SPAG9: variants seen among roughly 807,000 people sequenced by gnomAD.
The protein encoded by SPAG9 is C-Jun-amino-terminal kinase-interacting protein 4.
SPAG9 carries 35 observed loss-of-function variants against 166.5 expected under a neutral mutation model. The ratio of observed to expected loss-of-function variants is 0.21; its 90% confidence interval spans 0.16 to 0.28. The LOEUF (loss-of-function observed/expected upper bound fraction) is 0.28. Among genes scored for constraint, SPAG9 ranks in the 10% least tolerant of loss-of-function variants. The probability of loss-of-function intolerance (pLI) is 1.00; values close to 1 mark genes in which losing one functional copy is unlikely to be tolerated. For missense variants in SPAG9, 1,235 were observed against 1,603.3 expected, an observed-to-expected ratio of 0.77 and a Z score of 3.92; for synonymous variants, 534 against 565.5, an observed-to-expected ratio of 0.94 and a Z score of 0.79.
Position 51,120,624 on chromosome 17 carries a change from C to G in SPAG9, c.33G>C (p.Glu11Asp), listed in dbSNP as rs1216082907. The change falls in exon 1 of 30, where the codon GAG becomes GAC. Residue 11 changes from glutamate (E) to aspartate (D), a missense_variant. Physicochemically the swap from Glu to Asp is conservative, Grantham distance 45. Coordinates refer to ENST00000262013, the MANE Select transcript of SPAG9 (RefSeq NM_001130528.3). This position sits in a 1 kb window ranked among gnomAD's most constrained non-coding sequence, Gnocchi z 4.7. MELEDGVVYQ[E>D]EPGGSGAVMS... The stretch of plus-strand genomic sequence containing the variant: ...TCACGGCCCCGGAGCCGCCGGGCTC[C>G]TCCTGATACACCACACCGTCCTCCA... The G allele has an allele frequency of 6.2e-7, 1 of 1,611,032 alleles. No homozygotes were observed. Among genetic ancestry groups the G allele is most frequent in the Non-Finnish European group, 8.5e-7 (1 of 1,179,018 alleles).
At chr17:51,053,850 AAAAAG>A (rs745670158) in intron 3 of SPAG9, among the ~76,000 whole-genome samples, 166 of 57,174 alleles carry the variant, frequency 2.9e-3, no homozygotes, top group Non-Finnish European at 3.3e-3. Context: ...AAAAAAAAAA[AAAAAG>A]TATATATATA....
At chr17:51,113,367 A>AG (rs1310947269) in intron 1 of SPAG9, among the ~76,000 whole-genome samples, 1 of 150,468 alleles carries the variant, frequency 6.6e-6, no homozygotes, top group Admixed American at 6.6e-5. Flanking sequence ...AAAAAAAAAA[A>AG]AAAAGAAAGA....
chr17:51,095,938 GAT>G (rs1490497206), intron 1 of SPAG9, among the ~76,000 whole-genome samples: 2 of 121,626 alleles, frequency 1.6e-5, no homozygotes, highest in African/African-American at 3.5e-5. Flanking sequence ...TATATATAGT[GAT>G]ATAGTTATAT....
At chr17:51,029,100 G>A (rs2046295424) in intron 6 of SPAG9, among the ~76,000 whole-genome samples, 1 of 152,008 alleles carries the variant, frequency 6.6e-6, no homozygotes. Context: ...TGTCACTAGA[G>A]AATGTTCACA....
intron 6 of SPAG9, among the ~76,000 whole-genome samples, chr17:51,025,044 T>C (rs1192506676): frequency 2.1e-5 from 3 of 145,162 alleles, no homozygotes; most frequent in African/African-American, 7.7e-5. Flanking sequence ...ATTGGCCAGG[T>C]GCAGTGGCTC....
chr17:51,014,408 G>T, intron 8 of SPAG9, 55 bp from the exon 9 acceptor site: 2 of 1,534,570 alleles, frequency 1.3e-6, no homozygotes, highest in Non-Finnish European at 1.8e-6. Flanking sequence ...CTTTTTTGAC[G>T]CTGTAAAATG....
At position 50,998,476 on chromosome 17, in the gene SPAG9, AT is replaced by A; in HGVS notation, c.1805del (p.Asp602ValfsTer17). The A allele has an allele frequency of 6.2e-7, 1 of 1,614,184 alleles. No individual in the cohort carries two copies. The highest frequency in any genetic ancestry group is 8.5e-7 in the Non-Finnish European group (1 of 1,180,002). On this transcript the variant is annotated frameshift_variant, in exon 15 of 30. Coordinates refer to ENST00000262013, the MANE Select transcript of SPAG9 (RefSeq NM_001130528.3). LOFTEE classifies it high-confidence loss of function. Reference sequence around the variant, plus strand: ...TAAGGAAATCAAAGGCTTTGGACTTATCCCCAGGGAGCTGAGATAAGGTGCT... The same window carrying A: ...TAAGGAAATCAAAGGCTTTGGACTTACCCCAGGGAGCTGAGATAAGGTGCT... The part of the protein sequence containing the change: ...RSSTLSQLPG[D>X]KSKAFDFLSE...
chr17:51,006,421 T>C (rs2045221545), intron 10 of SPAG9, among the ~76,000 whole-genome samples, 184 bp from the exon 11 acceptor site: 2 of 152,210 alleles, frequency 1.3e-5, no homozygotes, highest in Non-Finnish European at 2.9e-5. Context: ...AAGATTTTAC[T>C]CATTTATCAA....
Position 51,120,236 on chromosome 17 carries a change from G to T in SPAG9, c.303+118C>A. 1.1e-6 allele frequency: 1 copy of T among 903,734 alleles called. No homozygotes were observed. The highest frequency in any genetic ancestry group is 1.6e-6 in the Non-Finnish European group (1 of 637,578). 56.0% of individuals were successfully genotyped at this position (903,734 alleles called of 1,614,324 possible). On this transcript the variant is annotated intron_variant, in intron 1 of 29. Transcript: ENST00000262013. This position sits in a 1 kb window ranked among gnomAD's most constrained non-coding sequence, Gnocchi z 4.7. ...CCGGGATCGGTCCCAGGGGGCATCG[G>T]CCTCAGGCCCGCCCTCCAGGAGGCC...
chr17:51,062,017 T>A (rs776663528), intron 2 of SPAG9, among the ~76,000 whole-genome samples: 4 of 152,216 alleles, frequency 2.6e-5, no homozygotes, highest in African/African-American at 4.8e-5. Flanking sequence ...ATATCTATAT[T>A]TTTTTATTTA....
intron 4 of SPAG9, 76 bp from the exon 5 acceptor site, chr17:51,041,727 C>T (rs1364196322): frequency 2.2e-6 from 3 of 1,341,288 alleles, no homozygotes; most frequent in East Asian, 4.6e-5. Flanking sequence ...AAGTAATAAG[C>T]CTGGACTGCC....
At position 51,014,353 on chromosome 17, in the gene SPAG9, G is replaced by C; in HGVS notation, c.1092C>G (p.Ser364Arg). Residue 364 changes from serine (S) to arginine (R), a missense_variant and splice_region_variant, in exon 9 of 30, where the codon AGC (serine) becomes AGG (arginine). Physicochemically the swap from Ser to Arg is moderately radical, Grantham distance 110. Coordinates refer to ENST00000262013, the MANE Select transcript of SPAG9 (RefSeq NM_001130528.3). ...DKDLSGYKGSSTPTKGIENKA... is the reference protein window; with the variant it reads ...DKDLSGYKGSRTPTKGIENKA... ...TGTTCTCTATGCCTTTGGTGGGAGT[G>C]CTATGCAACAAGAACAACAAAACCA... 1.2e-6 allele frequency: 2 copies of C among 1,604,980 alleles called. No homozygotes were observed. The highest frequency in any genetic ancestry group is 1.7e-6 in the Non-Finnish European group (2 of 1,175,950).
intron 2 of SPAG9, among the ~76,000 whole-genome samples, chr17:51,078,049 C>T (rs1249380196): frequency 6.6e-6 from 1 of 152,156 alleles, no homozygotes; most frequent in African/African-American, 2.4e-5. Context: ...CCCACCTTCA[C>T]CTCCCAAAGT....
intron 27 of SPAG9, chr17:50,975,937 G>C: frequency 6.7e-7 from 1 of 1,487,992 alleles, no homozygotes; most frequent in Non-Finnish European, 9.1e-7. Context: ...ACATGGAGAG[G>C]TGCATGACAG....
rs1271248551 is a variant in SPAG9, at chr17:51,120,649, A to G, written c.8T>C (p.Leu3Pro). The G allele has an allele frequency of 6.2e-7, 1 of 1,601,832 alleles. No homozygotes were observed. Among genetic ancestry groups the G allele is most frequent in the African/African-American group, 1.3e-5 (1 of 74,518 alleles). Reference sequence around the variant, plus strand: ...CTCCTGATACACCACACCGTCCTCCAGCTCCATGGTGGCAAGCGGACGGGC... The same window carrying G: ...CTCCTGATACACCACACCGTCCTCCGGCTCCATGGTGGCAAGCGGACGGGC... The part of the protein sequence containing the change: ME[L>P]EDGVVYQEEP... The change falls in exon 1 of 30, where the codon CTG becomes CCG. Residue 3 changes from leucine to proline, a missense_variant. Around this residue, in one of 6 missense-constraint regions of SPAG9, gnomAD observed 83 missense variants for 149.8 expected, o/e 0.55. Transcript: ENST00000262013. This position sits in a 1 kb window ranked among gnomAD's most constrained non-coding sequence, Gnocchi z 4.7.
intron 29 of SPAG9, among the ~76,000 whole-genome samples, chr17:50,968,528 C>T (rs897343519): frequency 6.6e-6 from 1 of 151,928 alleles, no homozygotes; most frequent in South Asian, 2.1e-4. Flanking sequence ...GCCAGGAGTT[C>T]GAGACCAGCC....
At chr17:51,077,021 T>TCTATCTAGCTATCTAGCTAGCTAG (rs1555655271) in intron 2 of SPAG9, among the ~76,000 whole-genome samples, 2 of 76,122 alleles carry the variant, frequency 2.6e-5, no homozygotes, top group African/African-American at 1.3e-4. Context: ...TAGCTAGCTA[T>TCTATCTAGCTATCTAGCTAGCTAG]CTAGCTATCT....
chr17:51,081,955 C>T (rs1406267588), intron 1 of SPAG9, among the ~76,000 whole-genome samples: 1 of 152,150 alleles, frequency 6.6e-6, no homozygotes, highest in Non-Finnish European at 1.5e-5. Flanking sequence ...AGCCTCAGCA[C>T]TTGCTTCCTA....
At chr17:51,021,082 G>T in intron 7 of SPAG9, 76 bp downstream of exon 7, 1 of 1,246,200 alleles carries the variant, frequency 8.0e-7, no homozygotes, top group Non-Finnish European at 1.2e-6. Context: ...CACCCACAAA[G>T]ACATATTTTC....
Sources: gnomAD v4.1 joint callset for allele counts (sites outside exome capture counted in the v4.1 genomes callset) on GRCh38, gnomAD v4.1.1 for gene constraint, gnomAD v4.1.1 regional missense constraint, Gnocchi (gnomAD v3.1) non-coding constraint, MANE v1.5 for transcripts, NCBI Gene and HGNC (gene_info 2026-07-23, HGNC 2026-07-21) for gene names.